The following MBTPS1 variants were observed in gnomAD, a reference collection of about 807,000 sequenced individuals.
MBTPS1 encodes the protein membrane-bound transcription factor site-1 protease.
Under a neutral mutation model 127.8 loss-of-function variants are expected in MBTPS1, and 94 were observed. The ratio of observed to expected loss-of-function variants is 0.74; its 90% CI spans 0.62 to 0.87. The LOEUF is 0.87. Ranked by LOEUF, MBTPS1 falls within the 40% of genes least tolerant of loss-of-function variation. The pLI is 0.00. For synonymous variants in MBTPS1, 632 were observed against 509.4 expected (o/e 1.24, Z -3.24); for missense variants, 1,636 against 1,353.2 (o/e 1.21, Z -3.28).
rs2086257726 is a variant in MBTPS1 at position 84,101,656 on chromosome 16, A to C, written c.128T>G (p.Leu43Trp). 1.9e-6 allele frequency: 3 copies of C among 1,613,952 alleles called. No homozygotes were observed. The East Asian group carries it at 6.7e-5, about 36-fold the overall frequency. ...AACTGTTGATGAGAATTCCACCTTCAAAGTCAGGTGGGAACAGCCAGGGCA... is the reference window on the plus strand; with the variant it reads ...AACTGTTGATGAGAATTCCACCTTCCAAGTCAGGTGGGAACAGCCAGGGCA... ...APCPGCSHLTLKVEFSSTVVE... is the reference protein window; with the variant it reads ...APCPGCSHLTWKVEFSSTVVE... The change falls in exon 2 of 23, where the codon TTG (leucine) becomes TGG (tryptophan). Residue 43 changes from leucine to tryptophan, a missense_variant. Physicochemically the swap from Leu to Trp is moderately conservative, Grantham distance 61 (BLOSUM62 -2). Coordinates refer to ENST00000343411, the MANE Select transcript of MBTPS1 (RefSeq NM_003791.4).
chr16:84,070,562 C>CA, intron 13 of MBTPS1, 26 bp downstream of exon 13: 1 of 1,606,822 alleles, frequency 6.2e-7, no homozygotes, highest in Non-Finnish European at 8.5e-7. Flanking sequence ...GCTAAGAAAA[C>CA]AAGCCACTTT....
At chr16:84,059,453 A>G in intron 20 of MBTPS1, 25 bp from the exon 21 acceptor site, 1 of 1,600,570 alleles carries the variant, frequency 6.2e-7, no homozygotes, top group Non-Finnish European at 8.5e-7. Flanking sequence ...AACATCAACA[A>G]AAAGGAAAAT....
chr16:84,070,248 T>G (rs1262875135), intron 13 of MBTPS1, among the ~76,000 whole-genome samples: 1 of 152,274 alleles, frequency 6.6e-6, no homozygotes, highest in Admixed American at 6.5e-5. Context: ...AGGCATATTC[T>G]ATCAATAAAA....
intron 12 of MBTPS1, among the ~76,000 whole-genome samples, chr16:84,072,771 G>C (rs545393583): frequency 3.3e-5 from 5 of 152,128 alleles, no homozygotes; most frequent in Admixed American, 6.5e-5. Flanking sequence ...GCCTGGGAGA[G>C]AGCGAGACTC....
Position 84,070,773 on chromosome 16 carries a change from C to G in MBTPS1, c.1597G>C (p.Asp533His). The change falls in exon 13 of 23, where the codon GAC becomes CAC. Residue 533 changes from aspartate to histidine, a missense_variant. Transcript: ENST00000343411. ...GVTGRIVDKPDWQPYLPQNGD... is the reference protein window; with the variant it reads ...GVTGRIVDKPHWQPYLPQNGD... Reference sequence around the variant, plus strand: ...TTCTGTGGCAAATAGGGCTGCCAGTCAGGCTGCAGGAAAAAGAAATCAGAC... The same window carrying G: ...TTCTGTGGCAAATAGGGCTGCCAGTGAGGCTGCAGGAAAAAGAAATCAGAC... 3 of 1,599,946 alleles carry G rather than the reference C, an allele frequency of 1.9e-6. No individual in the cohort carries two copies. The highest frequency in any genetic ancestry group is 1.7e-6 in the Non-Finnish European group (2 of 1,173,162).
chr16:84,112,195 C>G (rs2086406841), intron 1 of MBTPS1, among the ~76,000 whole-genome samples: 1 of 151,904 alleles, frequency 6.6e-6, no homozygotes, highest in Non-Finnish European at 1.5e-5. Context: ...GAGAGACTGT[C>G]TCAAATGGAA....
intron 10 of MBTPS1, among the ~76,000 whole-genome samples, chr16:84,082,558 G>A (rs1002384546): frequency 2.4e-4 from 36 of 152,214 alleles, no homozygotes; most frequent in African/African-American, 8.2e-4. Context: ...TGATACTAGC[G>A]TTACAACATC....
Position 84,065,801 on chromosome 16 carries a change from G to A in MBTPS1, c.2354-34C>T, listed in dbSNP as rs17849037. On this transcript the variant is annotated intron_variant, in intron 17 of 22. Transcript: ENST00000343411. ...GAGTGTTCAAAGTCAAGGGAACACA[G>A]GAACGCCGAACACTTTAATAAATAA... The A allele has an allele frequency of 3.4e-4, 448 of 1,323,666 alleles. 4 individuals are homozygous for A. The East Asian group carries it at 0.011, about 32-fold the overall frequency. The allele number at this position is 1,323,666 out of a possible 1,614,324, so 82.0% of individuals were successfully genotyped here.
At chr16:84,072,809 C>G (rs2085791736) in intron 12 of MBTPS1, among the ~76,000 whole-genome samples, 1 of 152,072 alleles carries the variant, frequency 6.6e-6, no homozygotes, top group Admixed American at 6.5e-5. Context: ...GGCAAATCAC[C>G]CAGTGAAGGT....
At chr16:84,094,134 G>A (rs1463530796) in intron 4 of MBTPS1, among the ~76,000 whole-genome samples, 4 of 152,050 alleles carry the variant, frequency 2.6e-5, no homozygotes, top group East Asian at 1.9e-4. Flanking sequence ...CACTCCTAGC[G>A]GGCTTCTCAA....
chr16:84,054,078 C>T lies in MBTPS1; in HGVS notation c.*371G>A, dbSNP rs1473902313. On this transcript the variant is annotated 3_prime_UTR_variant, in exon 23 of 23. Coordinates refer to ENST00000343411, the MANE Select transcript of MBTPS1 (RefSeq NM_003791.4). ...TCCCAACAATAAATATAGAAAATAG[C>T]CTTTAACAAGCGTCTTTTAGCTTGG... 1 of 169,604 alleles carries T rather than the reference C, an allele frequency of 5.9e-6. No homozygotes were observed. The highest frequency in any genetic ancestry group is 2.4e-5 in the African/African-American group (1 of 42,202). 10.5% of individuals were successfully genotyped at this position (169,604 alleles called of 1,614,324 possible).
chr16:84,087,477 A>G lies in MBTPS1; in HGVS notation c.1032-17T>C, dbSNP rs1277189517. The G allele has an allele frequency of 4.0e-6, 5 of 1,252,878 alleles. No individual in the cohort carries two copies. Among genetic ancestry groups the G allele is most frequent in the Middle Eastern group, 2.0e-4 (1 of 5,016 alleles). The allele number at this position is 1,252,878 out of a possible 1,614,324, so 77.6% of individuals were successfully genotyped here. ...TTCAGAGTGCTATATTGAGACCAAAAAAAAAAAAAAAGAAAAGAAAAAGAA... is the reference window on the plus strand; with the variant it reads ...TTCAGAGTGCTATATTGAGACCAAAGAAAAAAAAAAAGAAAAGAAAAAGAA... On this transcript the variant is annotated splice_polypyrimidine_tract_variant and intron_variant, in intron 8 of 22. Transcript: ENST00000343411.
intron 1 of MBTPS1, among the ~76,000 whole-genome samples, chr16:84,102,770 C>G (rs3785025): frequency 0.27 from 41,381 of 152,152 alleles, 5,732 homozygotes; most frequent in African/African-American, 0.31. Flanking sequence ...AGTAATTTCC[C>G]TATCAGTGAT....
rs1597296637 is a variant in MBTPS1, at chr16:84,056,078, G to C, written c.2889C>G (p.Pro963=). The stretch of plus-strand genomic sequence containing the variant: ...CTTGAGGGCGATTCGATCGAAAGTT[G>C]GGTAACACCACCTTGTCCAGGTCAA... ...LSIDLDKVVL[P]NFRSNRPQVR... is the part of the protein sequence containing the mutation. The change falls in exon 22 of 23, where the codon CCC becomes CCG. Residue 963 remains proline, a synonymous_variant. Coordinates refer to ENST00000343411, the MANE Select transcript of MBTPS1 (RefSeq NM_003791.4). The C allele has an allele frequency of 6.2e-7, 1 of 1,613,944 alleles. No homozygotes were observed. Among genetic ancestry groups the C allele is most frequent in the South Asian group, 1.1e-5 (1 of 91,080 alleles).
rs570315674 is a variant in MBTPS1 at position 84,074,948 on chromosome 16, G to C, written c.1449-207C>G. ...TGCCAGCCTGCTGTCTATACAGACA[G>C]TGTGATGTGCAGGGACACCTCTGCT... On this transcript the variant is annotated intron_variant, in intron 11 of 22. Transcript: ENST00000343411. The C allele has an allele frequency of 9.4e-6, 4 of 425,834 alleles. No individual in the cohort carries two copies. In the South Asian group the frequency reaches 1.6e-4, roughly 17 times the overall value. The allele number at this position is 425,834 out of a possible 1,614,324, so 26.4% of individuals were successfully genotyped here.
chr16:84,091,639 G>A (rs1284500543), intron 7 of MBTPS1, 93 bp downstream of exon 7: 7 of 829,008 alleles, frequency 8.4e-6, no homozygotes, highest in East Asian at 4.9e-5. Context: ...CCACCTGGAT[G>A]AAAAGCCACC....
chr16:84,092,252 C>T (rs1412621700), intron 6 of MBTPS1, among the ~76,000 whole-genome samples: 7 of 152,190 alleles, frequency 4.6e-5, no homozygotes. Flanking sequence ...TTCTTCATTC[C>T]TAAACAGACT....
intron 1 of MBTPS1, among the ~76,000 whole-genome samples, chr16:84,109,241 G>A (rs774309365): frequency 9.9e-5 from 15 of 152,206 alleles, no homozygotes; most frequent in Non-Finnish European, 2.1e-4. Context: ...AGTGTCCAAG[G>A]AACATGGAAG....
At chr16:84,089,215 C>A (rs2086070909) in intron 8 of MBTPS1, among the ~76,000 whole-genome samples, 1 of 152,266 alleles carries the variant, frequency 6.6e-6, no homozygotes, top group Non-Finnish European at 1.5e-5. Context: ...TCAAGGTGAA[C>A]TGAGATTGTG....
Sources: allele counts gnomAD v4.1 joint callset (sites outside exome capture counted in the v4.1 genomes callset), GRCh38; gene constraint gnomAD v4.1.1; transcripts MANE v1.5; gene names NCBI Gene and HGNC (gene_info 2026-07-23, HGNC 2026-07-21).